The following RNLS variants were observed in gnomAD, a reference collection of about 807,000 sequenced individuals.
The protein encoded by RNLS is renalase, FAD dependent amine oxidase.
In RNLS, 39 loss-of-function variants were observed where a neutral mutation model predicts 39.8. The observed-to-expected ratio is 0.98, with a 90% CI of 0.76 to 1.28. The LOEUF (loss-of-function observed/expected upper bound fraction) is 1.28, where lower values mean the gene tolerates loss of function less well. Among genes scored for constraint, RNLS ranks in the 50% most tolerant of loss-of-function variants. The pLI is 0.00. For synonymous variants in RNLS, 147 were observed against 150.7 expected (o/e 0.98, Z 0.18); for missense variants, 410 against 413.3 (o/e 0.99, Z 0.07).
chr10:88,472,036 C>T (rs1011905839), intron 4 of RNLS, among the ~76,000 whole-genome samples: 2 of 152,168 alleles, frequency 1.3e-5, no homozygotes, highest in Non-Finnish European at 2.9e-5. Flanking sequence ...TACAAAAAGA[C>T]TCTTATCTGG....
At chr10:88,376,793 G>A (rs1170313689) in intron 4 of RNLS, among the ~76,000 whole-genome samples, 2 of 151,988 alleles carry the variant, frequency 1.3e-5, no homozygotes, top group Non-Finnish European at 2.9e-5. Context: ...AATATTGTGG[G>A]TAAAGTAAAT....
At chr10:88,190,602 T>A in the RNLS span, among the ~76,000 whole-genome samples, 1 of 152,218 alleles carries the variant, frequency 6.6e-6, no homozygotes, top group Non-Finnish European at 1.5e-5. Context: ...TAAGGCTCTT[T>A]ATTCTTTTAC....
At chr10:88,533,834 T>G (rs1473298693) in intron 4 of RNLS, among the ~76,000 whole-genome samples, 1 of 152,108 alleles carries the variant, frequency 6.6e-6, no homozygotes, top group African/African-American at 2.4e-5. Flanking sequence ...GTCTAAACCC[T>G]AGGTCTAAAT....
rs1289354453 is a variant in RNLS, at chr10:88,548,623, A to G, written c.526+24280T>C. Among the ~76,000 whole-genome samples, 4 of 144,418 alleles carry G rather than the reference A, an allele frequency of 2.8e-5. No homozygotes were observed. In the South Asian group the frequency reaches 8.8e-4, roughly 32 times the overall value. 94.7% of individuals were successfully genotyped at this position (144,418 alleles called of 152,430 possible). Reference sequence around the variant, plus strand: ...CACTGCACTCCAGCCTGGGTGACGAAGCGAGACTCTGTCTCAAAATATACA... The same window carrying G: ...CACTGCACTCCAGCCTGGGTGACGAGGCGAGACTCTGTCTCAAAATATACA... On this transcript the variant is annotated intron_variant, in intron 4 of 6. Transcript: ENST00000331772.
At chr10:88,227,280 G>C in the RNLS span, among the ~76,000 whole-genome samples, 1 of 152,158 alleles carries the variant, frequency 6.6e-6, no homozygotes, top group Non-Finnish European at 1.5e-5. Flanking sequence ...AGTAGATACT[G>C]GTTTTAATCC....
intron 4 of RNLS, among the ~76,000 whole-genome samples, chr10:88,451,159 G>T (rs141923776): frequency 6.6e-6 from 1 of 152,160 alleles, no homozygotes; most frequent in Admixed American, 6.5e-5. Context: ...AGTCTGAGTG[G>T]CATTTGGGAA....
the RNLS span, among the ~76,000 whole-genome samples, chr10:88,236,182 A>G: frequency 6.6e-6 from 1 of 152,222 alleles, no homozygotes; most frequent in Non-Finnish European, 1.5e-5. Flanking sequence ...AATTGTGTCA[A>G]AGTTCTGGAG....
At chr10:88,312,164 G>C (rs901632626) in intron 6 of RNLS, among the ~76,000 whole-genome samples, 2 of 152,220 alleles carry the variant, frequency 1.3e-5, no homozygotes, top group Non-Finnish European at 2.9e-5. Context: ...TTAAAATTAT[G>C]AGTGAGCTGA....
At chr10:88,225,412 C>A in the RNLS span, among the ~76,000 whole-genome samples, 1 of 152,190 alleles carries the variant, frequency 6.6e-6, no homozygotes, top group Admixed American at 6.5e-5. Context: ...AATAGTATAA[C>A]TGTGGTTTAA....
rs150255561 is a variant in RNLS, at chr10:88,556,546, T to C, written c.526+16357A>G. 3.1e-3 allele frequency among the ~76,000 whole-genome samples: 478 copies of C among 152,306 alleles called. 3 individuals are homozygous for C. The highest frequency in any genetic ancestry group is 0.01 in the African/African-American group (436 of 41,562). ...GATGGAGAGTAAAATCCAATGTCTC[T>C]ATCACAGTTCACAAAGCCCTATTTA... On this transcript the variant is annotated intron_variant, in intron 4 of 6. Coordinates refer to ENST00000331772, the MANE Select transcript of RNLS (RefSeq NM_001031709.3).
chr10:88,549,600 A>G (rs1451339653), intron 4 of RNLS, among the ~76,000 whole-genome samples: 1 of 152,116 alleles, frequency 6.6e-6, no homozygotes, highest in Non-Finnish European at 1.5e-5. Flanking sequence ...TCTAGATGAG[A>G]TGAATAGAAC....
chr10:88,324,961 G>C lies in RNLS; in HGVS notation c.701-10320C>G, dbSNP rs76799299. 2.6e-3 allele frequency among the ~76,000 whole-genome samples: 391 copies of C among 152,240 alleles called. 1 individual carries two copies. Among genetic ancestry groups the C allele is most frequent in the African/African-American group, 9.0e-3 (374 of 41,542 alleles). ...GATGTCCTCAAAGTTCATATATTTT[G>C]TAGTAGGTCAGGGTTTCCTTCCTTC... On this transcript the variant is annotated intron_variant, in intron 5 of 6. Transcript: ENST00000331772.
chr10:88,267,472 A>T, the RNLS span, among the ~76,000 whole-genome samples: 2 of 152,104 alleles, frequency 1.3e-5, no homozygotes, highest in Non-Finnish European at 2.9e-5. Flanking sequence ...GCTACCCAGG[A>T]GGCTGAGGCA....
At chr10:88,380,210 G>GTTAT (rs1024202115) in intron 4 of RNLS, among the ~76,000 whole-genome samples, 8 of 151,974 alleles carry the variant, frequency 5.3e-5, no homozygotes, top group Admixed American at 5.2e-4. Context: ...TGACTCTTGG[G>GTTAT]TTATTTGTCT....
intron 4 of RNLS, 74 bp from the exon 5 acceptor site, chr10:88,362,799 C>A (rs972771520): frequency 7.0e-7 from 1 of 1,431,142 alleles, no homozygotes. Context: ...ATATAAAATT[C>A]CTTTAAACCA....
chr10:88,172,839 G>GTTGTTTTTTTTTTTT, the RNLS span, among the ~76,000 whole-genome samples: 1 of 31,502 alleles, frequency 3.2e-5, no homozygotes. Context: ...TGCATTTTGA[G>GTTGTTTTTTTTTTTT]TTGTTTTTTT....
At chr10:88,360,581 C>T (rs578092128) in intron 5 of RNLS, among the ~76,000 whole-genome samples, 41 of 152,192 alleles carry the variant, frequency 2.7e-4, no homozygotes, top group African/African-American at 9.4e-4. Context: ...GAATTACAGG[C>T]GCTTGTCACC....
At chr10:88,173,371 A>G in the RNLS span, among the ~76,000 whole-genome samples, 1 of 151,994 alleles carries the variant, frequency 6.6e-6, no homozygotes, top group Non-Finnish European at 1.5e-5. Flanking sequence ...TTACCATACT[A>G]TTTTGGTTAC....
At position 88,404,529 on chromosome 10, in the gene RNLS, G is replaced by C. The variant is rs1853142129; in HGVS notation, c.527-41804C>G. Among the ~76,000 whole-genome samples the C allele has an allele frequency of 2.0e-5, 3 of 151,994 alleles. No homozygotes were observed. In the South Asian group the frequency reaches 6.2e-4, roughly 32 times the overall value. The stretch of plus-strand genomic sequence containing the variant: ...ATGAGGTCTAAACCCCTAAGTCATA[G>C]GCCAAGTGACAATAGAATAGTAATG... On this transcript the variant is annotated intron_variant, in intron 4 of 6. Transcript: ENST00000331772.
Sources: gnomAD v4.1 joint callset for allele counts (sites outside exome capture counted in the v4.1 genomes callset) on GRCh38, gnomAD v4.1.1 for gene constraint, MANE v1.5 for transcripts, NCBI Gene and HGNC (gene_info 2026-07-23, HGNC 2026-07-21) for gene names.